COQ8B: variants seen among roughly 807,000 people sequenced by gnomAD.
COQ8B encodes atypical kinase COQ8B, mitochondrial.
In COQ8B, 44 loss-of-function variants were observed where a neutral mutation model predicts 62.0. The observed-to-expected ratio is 0.71, with a 90% confidence interval of 0.56 to 0.91. COQ8B has a LOEUF of 0.91. Among genes scored for constraint, COQ8B ranks in the 40% least tolerant of loss-of-function variants. The pLI, the probability that COQ8B is intolerant of heterozygous loss-of-function variation, is 0.00. For synonymous variants in COQ8B, 252 were observed against 289.9 expected (o/e 0.87, Z 1.33); for missense variants, 649 against 731.6 (o/e 0.89, Z 1.30).
In COQ8B at chr19:40,714,618, C is replaced by T. The variant is rs2082170505; in HGVS notation, c.15G>A (p.Val5=). 2.5e-6 allele frequency: 4 copies of T among 1,608,446 alleles called. No individual in the cohort carries two copies. The highest frequency in any genetic ancestry group is 3.4e-6 in the Non-Finnish European group (4 of 1,177,624). The change falls in exon 2 of 15, where the codon GTG becomes GTA. Residue 5 remains valine (V), a synonymous_variant. Transcript: ENST00000324464. ...CACCGGTCCCCCGAAGTAGGCCCCC[C>T]ACCTTCAGCCACATTGCCTGGAGGA... MWLK[V]GGLLRGTGGQ... is the part of the protein sequence containing the mutation.
intron 7 of COQ8B, 88 bp downstream of exon 7, chr19:40,705,008 G>A: frequency 8.1e-7 from 1 of 1,227,404 alleles, no homozygotes; most frequent in Non-Finnish European, 1.1e-6. Context: ...TCAGAGGCAG[G>A]GAGTGGGGCA....
chr19:40,706,084 T>G (rs572359390), intron 5 of COQ8B, among the ~76,000 whole-genome samples: 1 of 151,886 alleles, frequency 6.6e-6, no homozygotes, highest in Non-Finnish European at 1.5e-5. Context: ...TAATGCTGAG[T>G]GAAAGCAGCC....
chr19:40,703,887 T>C (rs868205482), intron 7 of COQ8B, 32 bp from the exon 8 acceptor site: 6 of 1,584,790 alleles, frequency 3.8e-6, no homozygotes, highest in Middle Eastern at 3.3e-4. Context: ...ATCATCATTG[T>C]GGCAGAGTTC....
chr19:40,715,095 C>A lies in COQ8B; in HGVS notation c.-3-460G>T, dbSNP rs778827969. On this transcript the variant is annotated intron_variant, in intron 1 of 14. Transcript: ENST00000324464. ...CGAGTCCGCAACCTGCTGGGGCCCT[C>A]CTGTGCTTCCGGGAGCCTCTGTATG... 9.9e-4 allele frequency: 979 copies of A among 988,132 alleles called. 2 individuals are homozygous for A. Among genetic ancestry groups the A allele is most frequent in the Non-Finnish European group, 1.1e-3 (945 of 831,540 alleles). 61.2% of individuals were successfully genotyped at this position (988,132 alleles called of 1,614,324 possible).
Position 40,691,655 on chromosome 19 carries a change from A to C in COQ8B, c.*380T>G. On this transcript the variant is annotated 3_prime_UTR_variant, in exon 15 of 15. Transcript: ENST00000324464. ...CAGCTGTTGGAGGAGCGAGGGAGGC[A>C]GAGGTGAGGACTGCCTCCAGGACCA... 2 of 159,640 alleles carry C rather than the reference A, an allele frequency of 1.3e-5. No individual in the cohort carries two copies. The highest frequency in any genetic ancestry group is 1.4e-5 in the Non-Finnish European group (1 of 73,832). 9.9% of individuals were successfully genotyped at this position (159,640 alleles called of 1,614,324 possible).
chr19:40,707,308 C>T, intron 5 of COQ8B, among the ~76,000 whole-genome samples: 1 of 151,774 alleles, frequency 6.6e-6, no homozygotes. Flanking sequence ...TACCCATTAG[C>T]AGTCACTCTT....
chr19:40,703,315 C>G (rs1392637304), intron 9 of COQ8B: 1 of 538,108 alleles, frequency 1.9e-6, no homozygotes, highest in East Asian at 3.2e-5. Flanking sequence ...TATCTTGGCC[C>G]TGGGCTCCCG....
At chr19:40,704,853 G>A (rs1175240663) in intron 7 of COQ8B, 5 of 490,274 alleles carry the variant, frequency 1.0e-5, no homozygotes, top group Non-Finnish European at 1.8e-5. Context: ...TATGATGTGG[G>A]TGTGGCTGTC....
intron 4 of COQ8B, among the ~76,000 whole-genome samples, chr19:40,712,412 GAAAAAAA>G (rs797020409): frequency 8.6e-5 from 9 of 104,090 alleles, no homozygotes; most frequent in Non-Finnish European, 1.8e-4. Context: ...GTCTCCCTAA[GAAAAAAA>G]AAAAAAAAAA....
chr19:40,693,079 T>A (rs1429719357), intron 13 of COQ8B, 42 bp from the exon 14 acceptor site: 1 of 1,557,960 alleles, frequency 6.4e-7, no homozygotes. Flanking sequence ...AGGCCGGGGC[T>A]CAAGGGGGCT....
At chr19:40,698,952 C>A (rs2144690867) in intron 12 of COQ8B, among the ~76,000 whole-genome samples, 1 of 152,082 alleles carries the variant, frequency 6.6e-6, no homozygotes, top group African/African-American at 2.4e-5. Context: ...TGGGAACACT[C>A]TGCTCTCTGG....
rs185442840 is a variant in COQ8B at position 40,691,576 on chromosome 19, C to A, written c.*459G>T. On this transcript the variant is annotated 3_prime_UTR_variant, in exon 15 of 15. Coordinates refer to ENST00000324464, the MANE Select transcript of COQ8B (RefSeq NM_024876.4). ...TCCGATTGAAGATTCAGCTCCCCCC[C>A]ACCCCGCACCCCTACCTCTCCAACA... 16 of 154,714 alleles carry A rather than the reference C, an allele frequency of 1.0e-4. No individual in the cohort carries two copies. Among genetic ancestry groups the A allele is most frequent in the Non-Finnish European group, 1.1e-4 (8 of 69,816 alleles). The allele number at this position is 154,714 out of a possible 1,614,324, so 9.6% of individuals were successfully genotyped here. A position where few individuals can be genotyped will look rare whatever the true frequency, so the allele number is the denominator to read the frequency against.
chr19:40,698,824 T>C (rs574031169), intron 12 of COQ8B, among the ~76,000 whole-genome samples: 7 of 152,238 alleles, frequency 4.6e-5, no homozygotes, highest in Non-Finnish European at 7.4e-5. Flanking sequence ...AAAATGGGGA[T>C]AGACCACTTT....
chr19:40,699,973 G>T, intron 12 of COQ8B, 94 bp downstream of exon 12: 1 of 1,186,372 alleles, frequency 8.4e-7, no homozygotes, highest in Non-Finnish European at 1.2e-6. Flanking sequence ...CTATTGTGGG[G>T]GTAATCAACT....
chr19:40,709,417 T>C (rs1467140322), intron 5 of COQ8B, among the ~76,000 whole-genome samples: 3 of 152,262 alleles, frequency 2.0e-5, no homozygotes, highest in Non-Finnish European at 4.4e-5. Context: ...CTTTTTATTT[T>C]ATTTTTTATA....
At chr19:40,711,776 C>G (rs1162558713) in intron 4 of COQ8B, among the ~76,000 whole-genome samples, 1 of 152,194 alleles carries the variant, frequency 6.6e-6, no homozygotes, top group East Asian at 1.9e-4. Context: ...CCAGTGCCTT[C>G]TGTGCACTTA....
intron 13 of COQ8B, among the ~76,000 whole-genome samples, chr19:40,693,782 G>A (rs1026860128): frequency 2.0e-5 from 3 of 152,176 alleles, no homozygotes; most frequent in Non-Finnish European, 4.4e-5. Flanking sequence ...AGGAAGCACC[G>A]TAAATACTAT....
At chr19:40,707,765 T>G (rs2082112025) in intron 5 of COQ8B, among the ~76,000 whole-genome samples, 1 of 152,182 alleles carries the variant, frequency 6.6e-6, no homozygotes, top group Non-Finnish European at 1.5e-5. Context: ...TCACTTAGTG[T>G]TTTCAAGATT....
intron 5 of COQ8B, among the ~76,000 whole-genome samples, chr19:40,706,135 G>T (rs898949352): frequency 6.6e-6 from 1 of 152,014 alleles, no homozygotes; most frequent in African/African-American, 2.4e-5. Context: ...GATATAAAGA[G>T]CAAAACAAGG....
Sources: allele counts gnomAD v4.1 joint callset (sites outside exome capture counted in the v4.1 genomes callset), GRCh38; gene constraint gnomAD v4.1.1; transcripts MANE v1.5; gene names NCBI Gene and HGNC (gene_info 2026-07-23, HGNC 2026-07-21).